ELF2: variants seen among roughly 807,000 people sequenced by gnomAD.
The protein encoded by ELF2 is ETS-related transcription factor Elf-2.
In ELF2, 11 loss-of-function variants were observed where a neutral mutation model predicts 54.8. That is an observed-to-expected ratio of 0.20 (90% CI 0.13 to 0.33). ELF2 has a LOEUF of 0.33. Among genes scored for constraint, ELF2 ranks in the 10% least tolerant of loss-of-function variants. The pLI is 1.00. For missense variants in ELF2, 513 were observed against 703.0 expected (o/e 0.73, Z 3.06); for synonymous variants, 203 against 245.1 (o/e 0.83, Z 1.61).
intron 4 of ELF2, among the ~76,000 whole-genome samples, chr4:139,105,410 T>G (rs72949615): frequency 0.015 from 2,247 of 152,322 alleles, 62 homozygotes; most frequent in African/African-American, 0.051. Flanking sequence ...TGATGAATAG[T>G]AATGATGTGT....
At chr4:139,088,689 C>T (rs1732256547) in intron 4 of ELF2, among the ~76,000 whole-genome samples, 1 of 152,172 alleles carries the variant, frequency 6.6e-6, no homozygotes. Flanking sequence ...CTCCATTCTC[C>T]ACTCTCTCCA....
At chr4:139,105,144 C>T (rs1290992608) in intron 4 of ELF2, among the ~76,000 whole-genome samples, 3 of 152,146 alleles carry the variant, frequency 2.0e-5, no homozygotes, top group Non-Finnish European at 4.4e-5. Flanking sequence ...AAACTATCCA[C>T]TGCTTTAACT....
chr4:139,092,411 A>ACAAAC (rs1578770607), intron 4 of ELF2, among the ~76,000 whole-genome samples: 1 of 82,308 alleles, frequency 1.2e-5, no homozygotes, highest in East Asian at 4.8e-4. Context: ...ACATAACATA[A>ACAAAC]CATACATAAC....
At chr4:139,084,219 C>T (rs1731640914) in intron 4 of ELF2, 1 of 1,612,436 alleles carries the variant, frequency 6.2e-7, no homozygotes, top group South Asian at 1.1e-5. Flanking sequence ...GCTGCTGCTT[C>T]ACATTGACTT....
chr4:139,151,570 G>A (rs924914980), intron 1 of ELF2, among the ~76,000 whole-genome samples: 12 of 152,096 alleles, frequency 7.9e-5, no homozygotes, highest in African/African-American at 2.9e-4. Flanking sequence ...GCAGAATGAT[G>A]GATTCATATG....
chr4:139,115,074 G>C, intron 4 of ELF2: 3 of 1,613,894 alleles, frequency 1.9e-6, no homozygotes, highest in East Asian at 2.2e-5. Flanking sequence ...CCATGTCCAG[G>C]AGCTCATCCA....
chr4:139,069,955 C>G (rs2148687950), intron 6 of ELF2, among the ~76,000 whole-genome samples: 1 of 152,070 alleles, frequency 6.6e-6, no homozygotes, highest in East Asian at 1.9e-4. Context: ...ATCCTCCTGC[C>G]TCAGCCTCCC....
chr4:139,067,116 T>TA (rs113589223), intron 7 of ELF2: 3,626 of 137,474 alleles, frequency 0.026, 93 homozygotes, highest in South Asian at 0.15. Flanking sequence ...TACAAAAAAT[T>TA]AAAAAAAAAA....
rs1051277165 is a variant in ELF2 at position 139,158,146 on chromosome 4, G to A, written c.-251-18649C>T. Among the ~76,000 whole-genome samples, 10 of 152,128 alleles carry A rather than the reference G, an allele frequency of 6.6e-5. No individual in the cohort carries two copies. The East Asian group carries it at 1.2e-3, about 18-fold the overall frequency. On this transcript the variant is annotated intron_variant, in intron 1 of 9. Coordinates refer to ENST00000686138, the MANE Select transcript of ELF2 (RefSeq NM_001331036.3). ...GTAATGGAAAATTACAGTCAAAGGCGGTAGTTCTCTGGCGGGCAGGGGTGG... is the reference window on the plus strand; with the variant it reads ...GTAATGGAAAATTACAGTCAAAGGCAGTAGTTCTCTGGCGGGCAGGGGTGG...
chr4:139,079,513 A>C (rs1418510733), intron 4 of ELF2, among the ~76,000 whole-genome samples: 4 of 152,226 alleles, frequency 2.6e-5, no homozygotes, highest in African/African-American at 9.6e-5. Flanking sequence ...GTTTTTGAGA[A>C]GCGCAGCTGT....
At chr4:139,068,727 A>G (rs950994435) in intron 6 of ELF2, among the ~76,000 whole-genome samples, 11 of 152,350 alleles carry the variant, frequency 7.2e-5, no homozygotes, top group Admixed American at 2.6e-4. Context: ...TTTCTACACG[A>G]AAGAGGATTA....
At chr4:139,103,512 G>C (rs1406812978) in intron 4 of ELF2, among the ~76,000 whole-genome samples, 1 of 152,240 alleles carries the variant, frequency 6.6e-6, no homozygotes, top group East Asian at 1.9e-4. Flanking sequence ...AATGAGTTCA[G>C]AGACTTTCCT....
intron 1 of ELF2, among the ~76,000 whole-genome samples, chr4:139,175,474 CTG>C (rs1742807127): frequency 6.6e-6 from 1 of 152,164 alleles, no homozygotes; most frequent in Non-Finnish European, 1.5e-5. Context: ...ACTCTGTAAA[CTG>C]TAATGCTCTA....
intron 4 of ELF2, chr4:139,100,571 C>G (rs755296988): frequency 4.6e-5 from 7 of 152,216 alleles, no homozygotes; most frequent in African/African-American, 7.2e-5. Flanking sequence ...CAGAGCAAGT[C>G]AAAACTCCTG....
chr4:139,067,504 G>T, intron 7 of ELF2, 180 bp downstream of exon 7: 1 of 576,390 alleles, frequency 1.7e-6, no homozygotes, highest in Non-Finnish European at 3.0e-6. Flanking sequence ...TGTAGGAACT[G>T]GGCACAGATA....
chr4:139,169,774 G>A (rs1247652387), intron 1 of ELF2, among the ~76,000 whole-genome samples: 1 of 150,030 alleles, frequency 6.7e-6, no homozygotes, highest in Non-Finnish European at 1.5e-5. Flanking sequence ...GGAGAATGGC[G>A]TGAACCCGGG....
At chr4:139,071,697 G>A (rs1003519902) in intron 6 of ELF2, among the ~76,000 whole-genome samples, 169 bp downstream of exon 6, 5 of 152,056 alleles carry the variant, frequency 3.3e-5, no homozygotes, top group Non-Finnish European at 7.4e-5. Context: ...GTATGAGTAC[G>A]TTAAAATACT....
At chr4:139,148,021 G>A (rs1018823608) in intron 1 of ELF2, among the ~76,000 whole-genome samples, 1 of 150,372 alleles carries the variant, frequency 6.7e-6, no homozygotes, top group Admixed American at 6.6e-5. Flanking sequence ...CTTGACTTCA[G>A]GTGATCCGCC....
At chr4:139,072,123 G>C (rs1335412502) in intron 5 of ELF2, 84 bp from the exon 6 acceptor site, 2 of 1,352,740 alleles carry the variant, frequency 1.5e-6, no homozygotes, top group Admixed American at 5.0e-5. Context: ...GAAGAGGCGA[G>C]GTGTGTTAAG....
Sources: gnomAD v4.1 joint callset for allele counts (sites outside exome capture counted in the v4.1 genomes callset) on GRCh38, gnomAD v4.1.1 for gene constraint, MANE v1.5 for transcripts, NCBI Gene and HGNC (gene_info 2026-07-23, HGNC 2026-07-21) for gene names.